The following CDH18 variants were observed in gnomAD, a reference collection of about 807,000 sequenced individuals.
CDH18 encodes cadherin-18.
A neutral mutation model predicts 67.9 loss-of-function variants in CDH18; 31 were observed. The observed-to-expected ratio is 0.46, with a 90% CI of 0.34 to 0.62. The LOEUF (loss-of-function observed/expected upper bound fraction) is 0.62. CDH18 is among the 20% of genes least tolerant of loss of function. CDH18 has a pLI of 0.01. For missense variants in CDH18, 890 were observed against 975.5 expected, an observed-to-expected ratio of 0.91 and a Z score of 1.17; for synonymous variants, 362 against 347.2, an observed-to-expected ratio of 1.04 and a Z score of -0.48.
At chr5:19,565,894 C>T (rs948709623) in intron 8 of CDH18, among the ~76,000 whole-genome samples, 1 of 152,044 alleles carries the variant, frequency 6.6e-6, no homozygotes, top group Admixed American at 6.6e-5. Flanking sequence ...TAAAAAGCTT[C>T]TGCACATCAA....
At chr5:19,715,883 C>T (rs1765283122) in intron 5 of CDH18, among the ~76,000 whole-genome samples, 1 of 145,722 alleles carries the variant, frequency 6.9e-6, no homozygotes, top group African/African-American at 2.5e-5. Context: ...GTTACACGAT[C>T]TTGGCTCACT....
intron 5 of CDH18, among the ~76,000 whole-genome samples, chr5:19,663,801 T>A (rs772153124): frequency 9.2e-5 from 14 of 151,900 alleles, no homozygotes; most frequent in African/African-American, 3.4e-4. Flanking sequence ...AAAAATGATA[T>A]CCGGTGTTAT....
intron 1 of CDH18, among the ~76,000 whole-genome samples, chr5:20,510,193 CT>C (rs1317813485): frequency 6.6e-6 from 1 of 151,918 alleles, no homozygotes; most frequent in African/African-American, 2.4e-5. Context: ...GTGTCTTCTT[CT>C]GAGAGATGTC....
At chr5:20,074,709 A>C (rs1743771345) in intron 2 of CDH18, among the ~76,000 whole-genome samples, 1 of 146,132 alleles carries the variant, frequency 6.8e-6, no homozygotes, top group Admixed American at 7.2e-5. Context: ...AGAATGCTTA[A>C]GTACTTTTAA....
rs189341794 is a variant in CDH18, at chr5:19,901,802, C to T, written c.-256-62560G>A. Reference sequence around the variant, plus strand: ...AATAAATAGTAACTCACCATTACCACCCAATTATTGAATACTTTTTTCACT... The same window carrying T: ...AATAAATAGTAACTCACCATTACCATCCAATTATTGAATACTTTTTTCACT... On this transcript the variant is annotated intron_variant, in intron 2 of 12. Coordinates refer to ENST00000382275, the MANE Select transcript of CDH18 (RefSeq NM_004934.5). Among the ~76,000 whole-genome samples, 450 of 151,756 alleles carry T rather than the reference C, an allele frequency of 3.0e-3. 4 individuals carry two copies. Among genetic ancestry groups the T allele is most frequent in the African/African-American group, 9.8e-3 (405 of 41,442 alleles).
intron 2 of CDH18, among the ~76,000 whole-genome samples, chr5:20,201,252 A>C (rs969849800): frequency 1.3e-5 from 2 of 151,950 alleles, no homozygotes; most frequent in Admixed American, 6.6e-5. Flanking sequence ...GCCTGTATTC[A>C]CATTTTCTCT....
intron 5 of CDH18, among the ~76,000 whole-genome samples, chr5:19,719,255 T>C (rs1445847594): frequency 5.3e-5 from 8 of 151,968 alleles, no homozygotes; most frequent in Non-Finnish European, 1.2e-4. Context: ...ATGTTTGGCT[T>C]TGTATGGCAT....
chr5:19,648,583 T>A (rs541995554), intron 5 of CDH18, among the ~76,000 whole-genome samples: 1 of 151,058 alleles, frequency 6.6e-6, no homozygotes, highest in Non-Finnish European at 1.5e-5. Context: ...TAATTCTATC[T>A]CTTTTTTTTG....
At chr5:20,288,460 T>G (rs992075718) in intron 1 of CDH18, among the ~76,000 whole-genome samples, 1 of 151,594 alleles carries the variant, frequency 6.6e-6, no homozygotes, top group Non-Finnish European at 1.5e-5. Context: ...TATATATATA[T>G]ATATGCATTG....
intron 5 of CDH18, among the ~76,000 whole-genome samples, chr5:19,685,437 A>G (rs1561042092): frequency 6.6e-6 from 1 of 152,132 alleles, no homozygotes; most frequent in Non-Finnish European, 1.5e-5. Flanking sequence ...TCTCATTTCC[A>G]GCCCTTTTCT....
chr5:20,518,116 C>T (rs952336684), intron 1 of CDH18, among the ~76,000 whole-genome samples: 1 of 151,992 alleles, frequency 6.6e-6, no homozygotes, highest in Non-Finnish European at 1.5e-5. Flanking sequence ...AGAACTGACC[C>T]TTATATCCAT....
intron 1 of CDH18, among the ~76,000 whole-genome samples, chr5:20,504,759 AATT>A (rs1244668377): frequency 1.7e-3 from 202 of 122,354 alleles, no homozygotes; most frequent in Middle Eastern, 4.7e-3. Context: ...CACAAAAGGG[AATT>A]TTTTTTTTTT....
chr5:19,507,988 A>G (rs781626886), intron 10 of CDH18, among the ~76,000 whole-genome samples: 3 of 151,974 alleles, frequency 2.0e-5, no homozygotes, highest in Non-Finnish European at 2.9e-5. Flanking sequence ...CAATGTCCCA[A>G]TCATCTTGAA....
At chr5:19,632,286 T>C (rs974454659) in intron 5 of CDH18, among the ~76,000 whole-genome samples, 5 of 152,216 alleles carry the variant, frequency 3.3e-5, no homozygotes, top group African/African-American at 1.2e-4. Context: ...CCCCAGTCAG[T>C]GAATTCAGAA....
chr5:19,549,727 AAGAAAG>A (rs1454447184), intron 8 of CDH18, among the ~76,000 whole-genome samples: 1 of 147,268 alleles, frequency 6.8e-6, no homozygotes, highest in Non-Finnish European at 1.5e-5. Context: ...GAAAGGAAGG[AAGAAAG>A]AGAAAGAGAG....
At chr5:20,360,596 T>A (rs1422032605) in intron 1 of CDH18, among the ~76,000 whole-genome samples, 1 of 152,140 alleles carries the variant, frequency 6.6e-6, no homozygotes, top group East Asian at 1.9e-4. Flanking sequence ...TCCTTAAAAT[T>A]GAATCCAAGC....
chr5:20,362,922 A>G lies in CDH18; in HGVS notation c.-579-107417T>C, dbSNP rs1742200621. On this transcript the variant is annotated intron_variant, in intron 1 of 14. Transcript: ENST00000507958. ...AGTAAGTGGGAAGGGAGCTTAGCAT[A>G]CTATTGAAAAAGTAGTTGTCATACT... Among the ~76,000 whole-genome samples the G allele has an allele frequency of 2.0e-5, 3 of 152,184 alleles. No homozygotes were observed. In the South Asian group the frequency reaches 6.2e-4, roughly 32 times the overall value.
intron 1 of CDH18, among the ~76,000 whole-genome samples, chr5:20,463,711 C>G (rs1340531117): frequency 6.6e-6 from 1 of 152,116 alleles, no homozygotes; most frequent in African/African-American, 2.4e-5. Flanking sequence ...GGTGGGGACA[C>G]AGCCAAACCG....
At chr5:20,392,363 T>G (rs1315366495) in intron 1 of CDH18, among the ~76,000 whole-genome samples, 1 of 151,954 alleles carries the variant, frequency 6.6e-6, no homozygotes, top group Non-Finnish European at 1.5e-5. Flanking sequence ...TTCATTTTTA[T>G]GTTTAAATGA....
Sources: allele counts gnomAD v4.1 joint callset (sites outside exome capture counted in the v4.1 genomes callset), GRCh38; gene constraint gnomAD v4.1.1; transcripts MANE v1.5; gene names NCBI Gene and HGNC (gene_info 2026-07-23, HGNC 2026-07-21).